COL22A1: variants seen among roughly 807,000 people sequenced by gnomAD.
The protein encoded by COL22A1 is collagen alpha-1(XXII) chain.
COL22A1 carries 221 observed loss-of-function variants against 248.9 expected under a neutral mutation model. That is an observed-to-expected ratio of 0.89 (90% CI 0.80 to 0.99). The LOEUF (loss-of-function observed/expected upper bound fraction) is 0.99. Ranked by LOEUF, COL22A1 falls within the 50% of genes least tolerant of loss-of-function variation. The pLI, the probability that COL22A1 is intolerant of heterozygous loss-of-function variation, is 0.00. For synonymous variants in COL22A1, 891 were observed against 793.4 expected (o/e 1.12, Z -2.07); for missense variants, 2,240 against 2,179.0 (o/e 1.03, Z -0.56).
intron 23 of COL22A1, among the ~76,000 whole-genome samples, chr8:138,732,460 C>G (rs1224268322): frequency 6.6e-6 from 1 of 152,248 alleles, no homozygotes; most frequent in African/African-American, 2.4e-5. Flanking sequence ...GGACTTCTCT[C>G]AGAGCCTCAT....
rs764616994 is a variant in COL22A1, at chr8:138,778,149, T to C, written c.1758+204A>G. 2.6e-4 allele frequency: 173 copies of C among 664,300 alleles called. 3 individuals carry two copies. The Middle Eastern group carries it at 0.012, about 45-fold the overall frequency. The allele number at this position is 664,300 out of a possible 1,614,324, so 41.2% of individuals were successfully genotyped here. ...GAGAAAGGGGTCCCAGGAATATGCA[T>C]TTAAACTTGTTCTCTGGGTGATTCT... On this transcript the variant is annotated intron_variant, in intron 15 of 64. Transcript: ENST00000303045.
chr8:138,610,919 C>T (rs1297516567), intron 56 of COL22A1, among the ~76,000 whole-genome samples: 2 of 152,056 alleles, frequency 1.3e-5, no homozygotes, highest in East Asian at 1.9e-4. Context: ...TTTTTAAATT[C>T]GCTGGGCATG....
At chr8:138,705,498 T>G (rs1828352529) in intron 30 of COL22A1, among the ~76,000 whole-genome samples, 1 of 151,984 alleles carries the variant, frequency 6.6e-6, no homozygotes, top group Non-Finnish European at 1.5e-5. Context: ...AAGAAAAGAA[T>G]TTTCAACCCA....
rs200440925 is a variant in COL22A1, at chr8:138,663,012, T to A, written c.3186+693A>T. ...GCCTGGTTGACAGAGCAGGACTCTG[T>A]CACTCACACACACACACACACACAA... is the stretch of plus-strand genomic sequence containing the variant. On this transcript the variant is annotated intron_variant, in intron 42 of 64. Coordinates refer to ENST00000303045, the MANE Select transcript of COL22A1 (RefSeq NM_152888.3). Among the ~76,000 whole-genome samples, 5 of 140,770 alleles carry A rather than the reference T, an allele frequency of 3.6e-5. No individual in the cohort carries two copies. In the East Asian group the frequency reaches 8.5e-4, roughly 24 times the overall value. The allele number at this position is 140,770 out of a possible 152,430, so 92.4% of individuals were successfully genotyped here.
intron 6 of COL22A1, among the ~76,000 whole-genome samples, chr8:138,823,173 G>A (rs377614741): frequency 1.3e-5 from 2 of 152,284 alleles, no homozygotes; most frequent in African/African-American, 4.8e-5. Context: ...TATTTGTGAA[G>A]AGGATCATAT....
At chr8:138,758,135 A>T (rs901672411) in intron 18 of COL22A1, among the ~76,000 whole-genome samples, 2 of 152,192 alleles carry the variant, frequency 1.3e-5, no homozygotes, top group Non-Finnish European at 2.9e-5. Context: ...AGCCCATGTA[A>T]AAGGGAAGTA....
At chr8:138,807,879 T>TTACCATCCAGTGTTGA in intron 9 of COL22A1, 67 bp from the exon 10 acceptor site, 1 of 1,514,398 alleles carries the variant, frequency 6.6e-7, no homozygotes, top group Non-Finnish European at 9.1e-7. Flanking sequence ...CAACACTGGA[T>TTACCATCCAGTGTTGA]GGTAATCCAC....
At chr8:138,844,374 G>C (rs908063994) in intron 3 of COL22A1, among the ~76,000 whole-genome samples, 1 of 152,228 alleles carries the variant, frequency 6.6e-6, no homozygotes, top group South Asian at 2.1e-4. Context: ...ACTGTGTTCT[G>C]TACTGGGGTG....
intron 12 of COL22A1, among the ~76,000 whole-genome samples, chr8:138,787,521 C>T (rs185469786): frequency 2.0e-5 from 3 of 152,232 alleles, no homozygotes; most frequent in East Asian, 3.9e-4. Flanking sequence ...GGAAATGCTT[C>T]GTATACAAAG....
At chr8:138,655,147 A>G (rs1564150112) in intron 45 of COL22A1, among the ~76,000 whole-genome samples, 4 of 152,192 alleles carry the variant, frequency 2.6e-5, no homozygotes, top group Admixed American at 6.5e-5. Flanking sequence ...GGCTTCTTAT[A>G]TGCTGAATAA....
chr8:138,609,052 A>T (rs1818652334), intron 56 of COL22A1, among the ~76,000 whole-genome samples: 1 of 152,248 alleles, frequency 6.6e-6, no homozygotes, highest in Non-Finnish European at 1.5e-5. Context: ...TGTGCGAAGC[A>T]TGCATTCACA....
chr8:138,785,430 T>C lies in COL22A1; in HGVS notation c.1597-4450A>G, dbSNP rs115885559. Reference sequence around the variant, plus strand: ...TAGGAATCAATGATAGATTTTCCTATAGCAGGCAGCATCACAAAAGGATGA... The same window carrying C: ...TAGGAATCAATGATAGATTTTCCTACAGCAGGCAGCATCACAAAAGGATGA... On this transcript the variant is annotated intron_variant, in intron 12 of 64. Coordinates refer to ENST00000303045, the MANE Select transcript of COL22A1 (RefSeq NM_152888.3). Among the ~76,000 whole-genome samples the C allele has an allele frequency of 5.8e-3, 883 of 152,322 alleles. 11 individuals are homozygous for C. Among genetic ancestry groups the C allele is most frequent in the African/African-American group, 0.02 (843 of 41,566 alleles).
In COL22A1 at chr8:138,620,992, T is replaced by TCCAC. The variant is rs67718853; in HGVS notation, c.3772-1488_3772-1485dup. 1.1e-4 allele frequency among the ~76,000 whole-genome samples: 14 copies of TCCAC among 128,970 alleles called. No individual in the cohort carries two copies. In the South Asian group the frequency reaches 3.9e-3, roughly 36 times the overall value. 84.6% of individuals were successfully genotyped at this position (128,970 alleles called of 152,430 possible). A position where few individuals can be genotyped will look rare whatever the true frequency, so the allele number is the denominator to read the frequency against. Reference sequence around the variant, plus strand: ...ATCCATCCATCCATCCATCCATCCATCCACCCATCCATCCATCCATCCATC... The same window carrying TCCAC: ...ATCCATCCATCCATCCATCCATCCATCCACCCACCCATCCATCCATCCATCCATC... On this transcript the variant is annotated intron_variant, in intron 52 of 64. Coordinates refer to ENST00000303045, the MANE Select transcript of COL22A1 (RefSeq NM_152888.3).
rs1563717028 is a variant in COL22A1 at position 138,755,166 on chromosome 8, T to C, written c.2022A>G (p.Pro674=). 5.6e-6 allele frequency: 9 copies of C among 1,614,120 alleles called. No individual in the cohort carries two copies. The highest frequency in any genetic ancestry group is 7.6e-6 in the Non-Finnish European group (9 of 1,179,978). ...PRGHQGAPGP[P]GARGPIGPEG... ...GAGAGGGACAACTTACCCGAGCTCCTGGAGGACCGGGGGCGCCTTGGTGAC... is the reference window on the plus strand; with the variant it reads ...GAGAGGGACAACTTACCCGAGCTCCCGGAGGACCGGGGGCGCCTTGGTGAC... The change falls in exon 21 of 65, where the codon CCA becomes CCG. Residue 674 remains proline (P), a synonymous_variant. Coordinates refer to ENST00000303045, the MANE Select transcript of COL22A1 (RefSeq NM_152888.3).
At chr8:138,670,945 A>G (rs1824965111) in intron 41 of COL22A1, among the ~76,000 whole-genome samples, 1 of 116,736 alleles carries the variant, frequency 8.6e-6, no homozygotes, top group African/African-American at 3.3e-5. Flanking sequence ...TGGGGGACAG[A>G]GCGAGACCTT....
chr8:138,889,662 G>A (rs114768410), intron 1 of COL22A1, among the ~76,000 whole-genome samples: 1,591 of 152,282 alleles, frequency 0.01, 40 homozygotes, highest in African/African-American at 0.037. Context: ...GTATACATAT[G>A]TAACTAACCT....
At chr8:138,828,790 C>CAGGCTCTG (rs1302171786) in intron 5 of COL22A1, among the ~76,000 whole-genome samples, 1 of 152,108 alleles carries the variant, frequency 6.6e-6, no homozygotes, top group Non-Finnish European at 1.5e-5. Flanking sequence ...TGCTATAACC[C>CAGGCTCTG]AGGCTCTGAG....
At chr8:138,828,457 A>T (rs753440804) in intron 5 of COL22A1, among the ~76,000 whole-genome samples, 20 of 152,146 alleles carry the variant, frequency 1.3e-4, no homozygotes, top group Non-Finnish European at 2.6e-4. Context: ...TCCTAGACTT[A>T]CATCCTATCA....
intron 12 of COL22A1, 69 bp from the exon 13 acceptor site, chr8:138,781,049 A>C (rs1243428248): frequency 8.9e-7 from 1 of 1,127,596 alleles, no homozygotes. Context: ...ATGCTAGTGC[A>C]GTGGAGAACG....
Sources: gnomAD v4.1 joint callset for allele counts (sites outside exome capture counted in the v4.1 genomes callset) on GRCh38, gnomAD v4.1.1 for gene constraint, MANE v1.5 for transcripts, NCBI Gene and HGNC (gene_info 2026-07-23, HGNC 2026-07-21) for gene names.